RBM20: variants seen among roughly 807,000 people sequenced by gnomAD.
The protein encoded by RBM20 is RNA-binding protein 20.
A neutral mutation model predicts 110.1 loss-of-function variants in RBM20; 51 were observed. The ratio of observed to expected loss-of-function variants is 0.46; its 90% CI spans 0.37 to 0.59. RBM20 has a LOEUF of 0.59. Among genes scored for constraint, RBM20 ranks in the 20% least tolerant of loss-of-function variants. The probability of loss-of-function intolerance (pLI) is 0.00; values close to 1 mark genes in which losing one functional copy is unlikely to be tolerated. For synonymous variants in RBM20, 589 were observed against 618.2 expected, an observed-to-expected ratio of 0.95 and a Z score of 0.70; for missense variants, 1,512 against 1,574.9, an observed-to-expected ratio of 0.96 and a Z score of 0.68.
chr10:110,730,123 CTTTTT>C (rs1284424836), intron 1 of RBM20, among the ~76,000 whole-genome samples: 1 of 152,174 alleles, frequency 6.6e-6, no homozygotes, highest in Admixed American at 6.5e-5. Flanking sequence ...TGGCCCTTCT[CTTTTT>C]TAAGACTAGT....
intron 8 of RBM20, among the ~76,000 whole-genome samples, chr10:110,811,300 G>A (rs1844764604): frequency 6.6e-6 from 1 of 152,146 alleles, no homozygotes; most frequent in Admixed American, 6.5e-5. Context: ...CTGTGTTTGG[G>A]AACTTAATGA....
chr10:110,826,803 T>A (rs914537388), intron 12 of RBM20, among the ~76,000 whole-genome samples: 1 of 151,888 alleles, frequency 6.6e-6, no homozygotes, highest in Non-Finnish European at 1.5e-5. Flanking sequence ...CCTTGAACTG[T>A]TGGGGTCTTG....
chr10:110,681,645 T>C (rs1862423931), intron 1 of RBM20, among the ~76,000 whole-genome samples: 1 of 152,206 alleles, frequency 6.6e-6, no homozygotes, highest in Non-Finnish European at 1.5e-5. Flanking sequence ...AATTACTGTT[T>C]AACTTTTTAT....
At chr10:110,773,336 A>T (rs1430591291) in intron 1 of RBM20, among the ~76,000 whole-genome samples, 3 of 152,246 alleles carry the variant, frequency 2.0e-5, no homozygotes, top group Admixed American at 2.0e-4. Flanking sequence ...TGAACTTAGC[A>T]GAGTCTCAAA....
chr10:110,813,367 C>T (rs889117866), intron 9 of RBM20, among the ~76,000 whole-genome samples: 1 of 152,180 alleles, frequency 6.6e-6, no homozygotes, highest in Non-Finnish European at 1.5e-5. Flanking sequence ...TGTTTGCACC[C>T]AAAGAGCCTC....
At chr10:110,681,265 C>T (rs1862420199) in intron 1 of RBM20, among the ~76,000 whole-genome samples, 1 of 152,228 alleles carries the variant, frequency 6.6e-6, no homozygotes, top group Non-Finnish European at 1.5e-5. Flanking sequence ...GGGTCTGCAC[C>T]AAACCTCCTC....
Position 110,731,841 on chromosome 10 carries a change from T to G in RBM20, c.192-48960T>G, listed in dbSNP as rs1196420573. 3.9e-5 allele frequency among the ~76,000 whole-genome samples: 6 copies of G among 152,220 alleles called. No individual in the cohort carries two copies. In the East Asian group the frequency reaches 9.6e-4, roughly 24 times the overall value. ...GTTCTCTTCAGCTTAATTTGCAAAA[T>G]GTCCTTTTTTGTGTTAAGTTTACTG... On this transcript the variant is annotated intron_variant, in intron 1 of 13. Coordinates refer to ENST00000369519, the MANE Select transcript of RBM20 (RefSeq NM_001134363.3).
rs1302241639 is a variant in RBM20 at position 110,734,579 on chromosome 10, C to CT, written c.192-46213dup. ...TTTATTCTATAAGCCAAGATGCTGT[C>CT]TTTTTTTTTCTATCATGGAACCAAT... is the stretch of plus-strand genomic sequence containing the variant. On this transcript the variant is annotated intron_variant, in intron 1 of 13. Transcript: ENST00000369519. Among the ~76,000 whole-genome samples the CT allele has an allele frequency of 6.3e-3, 870 of 138,780 alleles. 12 individuals carry two copies. The highest frequency in any genetic ancestry group is 0.018 in the African/African-American group (697 of 38,038). The allele number at this position is 138,780 out of a possible 152,430, so 91.0% of individuals were successfully genotyped here.
intron 1 of RBM20, among the ~76,000 whole-genome samples, chr10:110,673,011 C>T (rs1169099762): frequency 1.3e-5 from 2 of 152,098 alleles, no homozygotes; most frequent in Non-Finnish European, 2.9e-5. Context: ...AATATTCTGT[C>T]ATGCCATATA....
At chr10:110,835,724 G>T in intron 13 of RBM20, 144 bp from the exon 14 acceptor site, 1 of 671,616 alleles carries the variant, frequency 1.5e-6, no homozygotes, top group South Asian at 2.4e-5. Context: ...CCCCAGTGGG[G>T]ATCTCTGAAC....
chr10:110,838,229 C>T lies in RBM20; in HGVS notation c.*2251C>T, dbSNP rs1845157900. 1 of 152,042 alleles carries T rather than the reference C, an allele frequency of 6.6e-6. No homozygotes were observed. The allele number at this position is 152,042 out of a possible 1,614,324, so 9.4% of individuals were successfully genotyped here. A position where few individuals can be genotyped will look rare whatever the true frequency, so the allele number is the denominator to read the frequency against. On this transcript the variant is annotated 3_prime_UTR_variant, in exon 14 of 14. Transcript: ENST00000369519. ...TCTATTTTATAGAATGACATGTTGC[C>T]CAATTCTAGAATCAAAAATAAAGGC...
intron 1 of RBM20, among the ~76,000 whole-genome samples, chr10:110,767,457 T>A (rs1321751761): frequency 7.4e-6 from 1 of 135,400 alleles, no homozygotes; most frequent in Non-Finnish European, 1.6e-5. Flanking sequence ...CCAGACGGGG[T>A]GGCTGCCGGG....
intron 1 of RBM20, among the ~76,000 whole-genome samples, chr10:110,650,058 A>G (rs1357129490): frequency 2.6e-5 from 4 of 152,300 alleles, no homozygotes; most frequent in Admixed American, 6.5e-5. Flanking sequence ...CCACCCAACT[A>G]AAGAGCTGTA....
chr10:110,652,256 G>C (rs892409020), intron 1 of RBM20, among the ~76,000 whole-genome samples: 1 of 152,156 alleles, frequency 6.6e-6, no homozygotes, highest in African/African-American at 2.4e-5. Flanking sequence ...TTGAAAAGAT[G>C]TGTATGAGTG....
chr10:110,644,592 G>A lies in RBM20; in HGVS notation c.138G>A (p.Pro46=). The change falls in exon 1 of 14, where the codon CCG becomes CCA. Residue 46 remains proline (P), a synonymous_variant. Transcript: ENST00000369519. This position sits in a 1 kb window ranked among gnomAD's most constrained non-coding sequence, Gnocchi z 4.3. ...SGPRGMQQPP[P]PPQPPPPPQA... ...CGCGAGGGATGCAGCAGCCGCCGCC[G>A]CCGCCCCAGCCACCGCCCCCGCCCC... 6.6e-7 allele frequency: 1 copy of A among 1,523,554 alleles called. No homozygotes were observed. 94.4% of individuals were successfully genotyped at this position (1,523,554 alleles called of 1,614,324 possible). A position where few individuals can be genotyped will look rare whatever the true frequency, so the allele number is the denominator to read the frequency against.
intron 1 of RBM20, among the ~76,000 whole-genome samples, chr10:110,695,383 G>A (rs10885019): frequency 0.29 from 44,600 of 152,098 alleles, 6,697 homozygotes; most frequent in East Asian, 0.33. Flanking sequence ...TGAATATGTC[G>A]GAAGGTGGCT....
chr10:110,671,170 T>C (rs1255858273), intron 1 of RBM20, among the ~76,000 whole-genome samples: 1 of 152,248 alleles, frequency 6.6e-6, no homozygotes, highest in Admixed American at 6.5e-5. Context: ...CGTGGGCATG[T>C]ACACATACCT....
At chr10:110,782,030 G>T in intron 2 of RBM20, 146 bp downstream of exon 2, 1 of 964,626 alleles carries the variant, frequency 1.0e-6, no homozygotes, top group Non-Finnish European at 1.6e-6. Context: ...TAAAATCACA[G>T]GTATTAGGAC....
chr10:110,784,569 A>C, intron 4 of RBM20, 137 bp downstream of exon 4: 2 of 748,542 alleles, frequency 2.7e-6, no homozygotes, highest in Non-Finnish European at 2.3e-6. Context: ...ATCCCAAGAC[A>C]CTAAAATGCA....
Sources: gnomAD v4.1 joint callset for allele counts (sites outside exome capture counted in the v4.1 genomes callset) on GRCh38, gnomAD v4.1.1 for gene constraint, Gnocchi (gnomAD v3.1) non-coding constraint, MANE v1.5 for transcripts, NCBI Gene and HGNC (gene_info 2026-07-23, HGNC 2026-07-21) for gene names.